Variants in ARB2A observed in about 807,000 individuals in gnomAD.
The protein encoded by ARB2A is ARB2 cotranscriptional regulator A.
the ARB2A span, among the ~76,000 whole-genome samples, chr5:94,088,691 A>T: frequency 2.6e-5 from 4 of 152,204 alleles, no homozygotes; most frequent in African/African-American, 9.7e-5. Context: ...ATAAAATGTA[A>T]AATAAAATAA....
chr5:94,020,917 T>C, the ARB2A span, among the ~76,000 whole-genome samples: 1 of 152,096 alleles, frequency 6.6e-6, no homozygotes, highest in South Asian at 2.1e-4. Context: ...TGTAGCAACA[T>C]AGTGCATCCT....
chr5:94,065,931 T>C, the ARB2A span, among the ~76,000 whole-genome samples: 1 of 152,132 alleles, frequency 6.6e-6, no homozygotes, highest in African/African-American at 2.4e-5. Context: ...TACATTTTCT[T>C]CATATCAACA....
the ARB2A span, among the ~76,000 whole-genome samples, chr5:93,843,019 C>T: frequency 6.6e-6 from 1 of 152,262 alleles, no homozygotes; most frequent in Non-Finnish European, 1.5e-5. Flanking sequence ...GCAGTCAGAC[C>T]CTTAGACTTC....
At chr5:93,965,547 A>G in the ARB2A span, among the ~76,000 whole-genome samples, 1 of 152,060 alleles carries the variant, frequency 6.6e-6, no homozygotes, top group Non-Finnish European at 1.5e-5. Context: ...GCAAAAGAAA[A>G]TCAACATACT....
the ARB2A span, chr5:93,619,581 C>T: frequency 1.3e-5 from 2 of 152,136 alleles, no homozygotes; most frequent in Admixed American, 1.3e-4. Flanking sequence ...TTAATTGTTG[C>T]ACACACTTTA....
the ARB2A span, among the ~76,000 whole-genome samples, chr5:93,622,946 A>G: frequency 5.9e-5 from 9 of 152,170 alleles, no homozygotes; most frequent in Admixed American, 5.2e-4. Flanking sequence ...TCAAATGACA[A>G]TCTTAAAGGA....
At chr5:93,631,982 T>C in the ARB2A span, among the ~76,000 whole-genome samples, 1 of 152,158 alleles carries the variant, frequency 6.6e-6, no homozygotes, top group South Asian at 2.1e-4. Context: ...AAAGGATATA[T>C]TGTGTGGAGA....
the ARB2A span, among the ~76,000 whole-genome samples, chr5:93,726,727 A>G: frequency 6.6e-6 from 1 of 152,042 alleles, no homozygotes; most frequent in East Asian, 1.9e-4. Context: ...AAGAGTCTGT[A>G]CTAGAGTACA....
the ARB2A span, among the ~76,000 whole-genome samples, chr5:93,897,764 T>C: frequency 6.6e-6 from 1 of 151,976 alleles, no homozygotes; most frequent in Admixed American, 6.6e-5. Flanking sequence ...CTTTTCTGTG[T>C]ATACTATCAC....
chr5:93,859,131 T>G, the ARB2A span, among the ~76,000 whole-genome samples: 2 of 152,140 alleles, frequency 1.3e-5, no homozygotes, highest in Admixed American at 6.5e-5. Flanking sequence ...AAGGTGGCAC[T>G]TCAAATCAGT....
At chr5:93,739,515 T>C in the ARB2A span, 1 of 152,108 alleles carries the variant, frequency 6.6e-6, no homozygotes, top group Non-Finnish European at 1.5e-5. Context: ...ATATAATACA[T>C]ACTGATAGAA....
chr5:93,678,112 T>C, the ARB2A span, among the ~76,000 whole-genome samples: 3 of 152,220 alleles, frequency 2.0e-5, no homozygotes, highest in Non-Finnish European at 2.9e-5. Flanking sequence ...GGAAATTCAC[T>C]GATAAGGGAT....
the ARB2A span, among the ~76,000 whole-genome samples, chr5:93,776,520 G>C: frequency 2.4e-4 from 37 of 152,326 alleles, no homozygotes; most frequent in African/African-American, 8.7e-4. Context: ...GCTCGCACCT[G>C]AAATCCCAGC....
chr5:94,004,597 T>A, the ARB2A span, among the ~76,000 whole-genome samples: 2,052 of 148,850 alleles, frequency 0.014, 20 homozygotes, highest in Non-Finnish European at 0.018. Flanking sequence ...AAAAAAAAAA[T>A]TTTTTTTTGC....
chr5:93,746,417 C>T, the ARB2A span, among the ~76,000 whole-genome samples: 3 of 152,084 alleles, frequency 2.0e-5, no homozygotes, highest in Non-Finnish European at 4.4e-5. Flanking sequence ...TGCTTTTACT[C>T]TTGTATGTGG....
chr5:93,674,492 G>T, the ARB2A span, among the ~76,000 whole-genome samples: 1 of 152,130 alleles, frequency 6.6e-6, no homozygotes, highest in African/African-American at 2.4e-5. Flanking sequence ...CTCACTTATC[G>T]ACTCAAGAGG....
At chr5:93,705,993 A>C in the ARB2A span, among the ~76,000 whole-genome samples, 41 of 152,332 alleles carry the variant, frequency 2.7e-4, 1 homozygote, top group African/African-American at 9.9e-4. Flanking sequence ...ATAATTCCTC[A>C]AGAAGTTAAA....
chr5:93,904,009 G>A, the ARB2A span, among the ~76,000 whole-genome samples: 2 of 151,836 alleles, frequency 1.3e-5, no homozygotes, highest in African/African-American at 2.4e-5. Context: ...CGAATTATCA[G>A]AAGTTTCGGG....
chr5:94,041,094 GTC>G, the ARB2A span, among the ~76,000 whole-genome samples: 228 of 146,598 alleles, frequency 1.6e-3, no homozygotes, highest in Non-Finnish European at 1.5e-3. Flanking sequence ...GTCTCTCTCG[GTC>G]TCTCTCTCTC....
Sources: allele counts gnomAD v4.1 joint callset (sites outside exome capture counted in the v4.1 genomes callset), GRCh38; gene constraint gnomAD v4.1.1; transcripts MANE v1.5; gene names NCBI Gene and HGNC (gene_info 2026-07-23, HGNC 2026-07-21).